LRBA: variants seen among roughly 807,000 people sequenced by gnomAD.
LRBA encodes the protein lipopolysaccharide-responsive and beige-like anchor protein.
LRBA carries 176 observed loss-of-function variants against 330.0 expected under a neutral mutation model. The ratio of observed to expected loss-of-function variants is 0.53; its 90% CI spans 0.47 to 0.60. LRBA has a LOEUF of 0.60. Ranked by LOEUF, LRBA falls within the 20% of genes least tolerant of loss-of-function variation. The pLI, the probability that LRBA is intolerant of heterozygous loss-of-function variation, is 0.00. For missense variants in LRBA, 3,259 were observed against 3,444.8 expected (o/e 0.95, Z 1.35); for synonymous variants, 1,230 against 1,193.0 (o/e 1.03, Z -0.64).
At chr4:150,883,110 G>A (rs1300319798) in intron 17 of LRBA, among the ~76,000 whole-genome samples, 1 of 152,048 alleles carries the variant, frequency 6.6e-6, no homozygotes, top group African/African-American at 2.4e-5. Context: ...TTAACTTTCA[G>A]TTAATATGAA....
chr4:150,596,163 G>C (rs1178740511), intron 38 of LRBA, among the ~76,000 whole-genome samples: 4 of 151,798 alleles, frequency 2.6e-5, no homozygotes, highest in Non-Finnish European at 1.5e-5. Flanking sequence ...CCCCAAGCAA[G>C]TTAATGTGAA....
chr4:150,511,524 G>A (rs902460288), intron 40 of LRBA, among the ~76,000 whole-genome samples: 3 of 152,154 alleles, frequency 2.0e-5, no homozygotes, highest in Admixed American at 6.5e-5. Flanking sequence ...CAGTGTGATG[G>A]TCTTCCTAAC....
chr4:150,556,599 T>C (rs1436273874), intron 40 of LRBA, among the ~76,000 whole-genome samples: 1 of 152,252 alleles, frequency 6.6e-6, no homozygotes, highest in African/African-American at 2.4e-5. Flanking sequence ...TAAAAGCTCA[T>C]TGATTGCTTC....
chr4:150,315,653 G>A, intron 50 of LRBA, 30 bp from the exon 51 acceptor site: 1 of 1,474,236 alleles, frequency 6.8e-7, no homozygotes, highest in Non-Finnish European at 9.2e-7. Context: ...AAGAAAAAAG[G>A]CATTATTTTT....
At chr4:150,626,073 G>T (rs1051824551) in intron 37 of LRBA, among the ~76,000 whole-genome samples, 1 of 151,672 alleles carries the variant, frequency 6.6e-6, no homozygotes, top group Admixed American at 6.6e-5. Context: ...TTAATCAAAC[G>T]AACTGGCCTG....
intron 37 of LRBA, among the ~76,000 whole-genome samples, chr4:150,660,999 T>C (rs1206353061): frequency 8.7e-6 from 1 of 115,176 alleles, no homozygotes; most frequent in Non-Finnish European, 1.7e-5. Context: ...CTGCTGACCT[T>C]CCCTCCACTA....
At chr4:150,355,132 A>G (rs1251218962) in intron 47 of LRBA, among the ~76,000 whole-genome samples, 1 of 152,054 alleles carries the variant, frequency 6.6e-6, no homozygotes. Flanking sequence ...GCTTTTTCCA[A>G]GAAACTCTAA....
At chr4:150,522,890 C>T (rs1001041938) in intron 40 of LRBA, among the ~76,000 whole-genome samples, 2 of 152,226 alleles carry the variant, frequency 1.3e-5, no homozygotes, top group African/African-American at 4.8e-5. Flanking sequence ...ATAGAGCCCC[C>T]ACTAGGGCAA....
chr4:150,946,145 A>G (rs1736222736), intron 2 of LRBA, among the ~76,000 whole-genome samples: 1 of 152,234 alleles, frequency 6.6e-6, no homozygotes, highest in African/African-American at 2.4e-5. Flanking sequence ...TTTATTTATT[A>G]TGAAATAAAC....
At chr4:150,513,950 G>A (rs1281744206) in intron 40 of LRBA, among the ~76,000 whole-genome samples, 1 of 152,180 alleles carries the variant, frequency 6.6e-6, no homozygotes, top group Admixed American at 6.5e-5. Context: ...TGCTTACTCT[G>A]CTTGTGCTGT....
At chr4:150,973,978 G>A (rs765611281) in intron 2 of LRBA, among the ~76,000 whole-genome samples, 3 of 152,168 alleles carry the variant, frequency 2.0e-5, no homozygotes, top group African/African-American at 7.2e-5. Context: ...AGACGCACTC[G>A]CTGATTCACA....
intron 36 of LRBA, among the ~76,000 whole-genome samples, chr4:150,704,369 A>G (rs1418803093): frequency 1.3e-5 from 2 of 151,804 alleles, no homozygotes; most frequent in Non-Finnish European, 1.5e-5. Flanking sequence ...TTTTATTATT[A>G]TCATTATTAT....
intron 2 of LRBA, among the ~76,000 whole-genome samples, chr4:151,005,991 G>A (rs1343787443): frequency 6.6e-6 from 1 of 152,106 alleles, no homozygotes; most frequent in Non-Finnish European, 1.5e-5. Context: ...AACTTCATAG[G>A]AAACAAAATA....
intron 2 of LRBA, among the ~76,000 whole-genome samples, chr4:151,007,521 A>C (rs1454931356): frequency 2.1e-5 from 3 of 145,034 alleles, no homozygotes; most frequent in African/African-American, 5.2e-5. Context: ...AAAAAAACAA[A>C]AAAAAAAATG....
intron 28 of LRBA, among the ~76,000 whole-genome samples, chr4:150,837,726 G>A (rs1228035275): frequency 6.6e-6 from 1 of 152,120 alleles, no homozygotes; most frequent in Admixed American, 6.5e-5. Flanking sequence ...GCACACTGAT[G>A]GGTCTTGACT....
intron 16 of LRBA, among the ~76,000 whole-genome samples, chr4:150,894,569 C>A (rs960375619): frequency 1.3e-5 from 2 of 152,200 alleles, no homozygotes; most frequent in Non-Finnish European, 2.9e-5. Context: ...AGGCAAACAG[C>A]TAACAGAGTT....
At chr4:150,751,091 A>G (rs1175593909) in intron 35 of LRBA, among the ~76,000 whole-genome samples, 1 of 152,168 alleles carries the variant, frequency 6.6e-6, no homozygotes, top group Non-Finnish European at 1.5e-5. Flanking sequence ...AGCAATTAAC[A>G]GCAACACCAT....
intron 33 of LRBA, among the ~76,000 whole-genome samples, chr4:150,805,489 A>AAAGGAAAGGAG (rs1560842112): frequency 7.8e-6 from 1 of 127,852 alleles, no homozygotes; most frequent in Non-Finnish European, 1.6e-5. Context: ...AAAGGAAAGG[A>AAAGGAAAGGAG]AAGGAGAAGG....
intron 40 of LRBA, among the ~76,000 whole-genome samples, chr4:150,491,825 T>G (rs916892805): frequency 6.6e-6 from 1 of 152,186 alleles, no homozygotes; most frequent in African/African-American, 2.4e-5. Context: ...AAAAGCTTAA[T>G]TGTGAAAGCG....
Sources: allele counts gnomAD v4.1 joint callset (sites outside exome capture counted in the v4.1 genomes callset), GRCh38; gene constraint gnomAD v4.1.1; transcripts MANE v1.5; gene names NCBI Gene and HGNC (gene_info 2026-07-23, HGNC 2026-07-21).